Variants in JAZF1 observed in about 807,000 individuals in gnomAD.
JAZF1 encodes the protein JAZF zinc finger 1, also known as juxtaposed with another zinc finger protein 1.
A neutral mutation model predicts 26.4 loss-of-function variants in JAZF1; 8 were observed. The ratio of observed to expected loss-of-function variants is 0.30; its 90% CI spans 0.18 to 0.55. The LOEUF (loss-of-function observed/expected upper bound fraction) is 0.55. Ranked by LOEUF, JAZF1 falls within the 20% of genes least tolerant of loss-of-function variation. The pLI, the probability that JAZF1 is intolerant of heterozygous loss-of-function variation, is 0.94. For synonymous variants in JAZF1, 126 were observed against 122.3 expected, an observed-to-expected ratio of 1.03 and a Z score of -0.20; for missense variants, 199 against 322.0, an observed-to-expected ratio of 0.62 and a Z score of 2.92.
In JAZF1 at chr7:28,040,631, A is replaced by C. The variant is rs1046233933; in HGVS notation, c.116-48650T>G. 3.9e-5 allele frequency among the ~76,000 whole-genome samples: 6 copies of C among 152,182 alleles called. No homozygotes were observed. In the East Asian group the frequency reaches 1.2e-3, roughly 29 times the overall value. On this transcript the variant is annotated intron_variant, in intron 1 of 4. Transcript: ENST00000283928. Reference sequence around the variant, plus strand: ...AGCCATAGAGTCTAGGCCACCCGGCAGATGAGGGTGTCGGGGTGTAGAAGT... The same window carrying C: ...AGCCATAGAGTCTAGGCCACCCGGCCGATGAGGGTGTCGGGGTGTAGAAGT...
intron 2 of JAZF1, among the ~76,000 whole-genome samples, chr7:27,931,834 A>C (rs923230568): frequency 1.3e-5 from 2 of 151,964 alleles, no homozygotes; most frequent in African/African-American, 2.4e-5. Context: ...AACTGCTTGA[A>C]CCTGGGAGGT....
At position 27,847,083 on chromosome 7, in the gene JAZF1, C is replaced by T. The variant is rs191315146; in HGVS notation, c.386-6216G>A. Reference sequence around the variant, plus strand: ...CTCCTGGGTTCAAGCGATTTTCCTGCCTCCCAAGTAGCTGGGATTATAGGC... The same window carrying T: ...CTCCTGGGTTCAAGCGATTTTCCTGTCTCCCAAGTAGCTGGGATTATAGGC... On this transcript the variant is annotated intron_variant, in intron 3 of 4. Transcript: ENST00000283928. Among the ~76,000 whole-genome samples, 1,260 of 152,182 alleles carry T rather than the reference C, an allele frequency of 8.3e-3. 19 individuals carry two copies. Among genetic ancestry groups the T allele is most frequent in the African/African-American group, 0.029 (1,196 of 41,492 alleles).
intron 1 of JAZF1, among the ~76,000 whole-genome samples, chr7:28,128,080 A>G (rs1487731251): frequency 6.6e-6 from 1 of 152,172 alleles, no homozygotes; most frequent in Non-Finnish European, 1.5e-5. Flanking sequence ...ATCTACTCAG[A>G]GTTCCAGGAG....
chr7:28,038,163 A>C (rs1056830254), intron 1 of JAZF1, among the ~76,000 whole-genome samples: 2 of 152,218 alleles, frequency 1.3e-5, no homozygotes, highest in African/African-American at 4.8e-5. Context: ...GGAGAATGGG[A>C]ATTTCCATGA....
At chr7:27,880,525 C>T (rs1273574058) in intron 3 of JAZF1, among the ~76,000 whole-genome samples, 2 of 151,888 alleles carry the variant, frequency 1.3e-5, no homozygotes, top group South Asian at 2.1e-4. Flanking sequence ...CCCAGCTACT[C>T]GGGAGGCTGA....
intron 2 of JAZF1, among the ~76,000 whole-genome samples, chr7:27,922,924 A>T (rs527874701): frequency 6.6e-6 from 1 of 152,222 alleles, no homozygotes; most frequent in Non-Finnish European, 1.5e-5. Context: ...GGGAAGTGAT[A>T]TGATGATGAA....
intron 1 of JAZF1, among the ~76,000 whole-genome samples, chr7:28,178,026 A>G (rs1783573863): frequency 6.6e-6 from 1 of 152,226 alleles, no homozygotes; most frequent in Admixed American, 6.5e-5. Context: ...TTTGCTTTTC[A>G]TAAAGTTTGC....
At chr7:28,061,775 T>C (rs765501108) in intron 1 of JAZF1, among the ~76,000 whole-genome samples, 3 of 152,218 alleles carry the variant, frequency 2.0e-5, no homozygotes, top group Non-Finnish European at 2.9e-5. Context: ...ACATACACCA[T>C]GCATACAATC....
intron 2 of JAZF1, among the ~76,000 whole-genome samples, chr7:27,904,926 G>A (rs1009365010): frequency 7.4e-5 from 11 of 148,666 alleles, no homozygotes; most frequent in Non-Finnish European, 1.3e-4. Context: ...TAAGAGAGAC[G>A]TTATTTTCTC....
At chr7:27,846,416 T>C (rs558082417) in intron 3 of JAZF1, 9 of 359,968 alleles carry the variant, frequency 2.5e-5, no homozygotes, top group Middle Eastern at 4.3e-4. Flanking sequence ...TGTATATATA[T>C]ACATATATAC....
intron 3 of JAZF1, among the ~76,000 whole-genome samples, chr7:27,845,711 A>AAAAAAAAAAAAAAAAAAAAAAAG (rs1554328474): frequency 7.3e-6 from 1 of 137,672 alleles, no homozygotes; most frequent in African/African-American, 2.8e-5. Context: ...AAAAAAAAAA[A>AAAAAAAAAAAAAAAAAAAAAAAG]AAAGAAAAGA....
intron 1 of JAZF1, among the ~76,000 whole-genome samples, chr7:28,104,830 C>T (rs1336451336): frequency 6.6e-6 from 1 of 152,216 alleles, no homozygotes; most frequent in Admixed American, 6.5e-5. Flanking sequence ...GATTAAACGT[C>T]ATCACCGAAG....
At chr7:27,945,697 C>T (rs986284222) in intron 2 of JAZF1, among the ~76,000 whole-genome samples, 1 of 152,186 alleles carries the variant, frequency 6.6e-6, no homozygotes, top group Non-Finnish European at 1.5e-5. Flanking sequence ...CCACCCCAGA[C>T]CTATGGGATT....
At chr7:28,135,881 T>C (rs967031494) in intron 1 of JAZF1, among the ~76,000 whole-genome samples, 11 of 152,202 alleles carry the variant, frequency 7.2e-5, no homozygotes, top group African/African-American at 2.4e-4. Context: ...TATCAACCAA[T>C]TCATCTCTGG....
intron 1 of JAZF1, among the ~76,000 whole-genome samples, chr7:28,135,929 GCT>G (rs1203759799): frequency 6.6e-6 from 1 of 152,138 alleles, no homozygotes; most frequent in African/African-American, 2.4e-5. Context: ...TATTGTACTG[GCT>G]CTCTTATTTT....
intron 3 of JAZF1, among the ~76,000 whole-genome samples, chr7:27,845,469 C>A (rs972817893): frequency 6.6e-6 from 1 of 152,016 alleles, no homozygotes; most frequent in Non-Finnish European, 1.5e-5. Flanking sequence ...GAGGCCGAGG[C>A]GGGTGGATCA....
intron 2 of JAZF1, chr7:27,914,641 G>A (rs1784414990): frequency 6.7e-6 from 3 of 447,410 alleles, no homozygotes; most frequent in South Asian, 4.9e-5. Context: ...AAGGACAAGA[G>A]TGCTGTGTGG....
At chr7:27,898,304 T>TATAC (rs375859244) in intron 2 of JAZF1, among the ~76,000 whole-genome samples, 5 of 128,928 alleles carry the variant, frequency 3.9e-5, no homozygotes, top group South Asian at 4.8e-4. Flanking sequence ...TATATATATA[T>TATAC]ACATCGGTTT....
intron 3 of JAZF1, chr7:27,843,254 T>C (rs922033034): frequency 5.9e-5 from 9 of 152,264 alleles, no homozygotes; most frequent in African/African-American, 1.9e-4. Flanking sequence ...TTTGTTTATA[T>C]ACTTAATTTT....
Sources: gnomAD v4.1 joint callset for allele counts (sites outside exome capture counted in the v4.1 genomes callset) on GRCh38, gnomAD v4.1.1 for gene constraint, MANE v1.5 for transcripts, NCBI Gene and HGNC (gene_info 2026-07-23, HGNC 2026-07-21) for gene names.